Variants in CD226 observed in about 807,000 individuals in gnomAD.
The protein encoded by CD226 is CD226 molecule.
A neutral mutation model predicts 34.9 loss-of-function variants in CD226; 24 were observed. The observed-to-expected ratio is 0.69, with a 90% CI of 0.50 to 0.97. The LOEUF (loss-of-function observed/expected upper bound fraction) is 0.97. Among genes scored for constraint, CD226 ranks in the 50% least tolerant of loss-of-function variants. The pLI is 0.00. For missense variants in CD226, 397 were observed against 412.7 expected, an observed-to-expected ratio of 0.96 and a Z score of 0.33; for synonymous variants, 148 against 147.4, an observed-to-expected ratio of 1.00 and a Z score of -0.03.
chr18:69,878,627 C>A (rs1374179507), intron 3 of CD226, among the ~76,000 whole-genome samples: 2 of 152,190 alleles, frequency 1.3e-5, no homozygotes, highest in Non-Finnish European at 2.9e-5. Context: ...GGTCCTGACT[C>A]TCTAACATCA....
At position 69,862,101 on chromosome 18, in the gene CD226, G is replaced by C. The variant is rs549177414; in HGVS notation, c.*2213C>G. 3.3e-5 allele frequency: 5 copies of C among 152,142 alleles called. No individual in the cohort carries two copies. Among genetic ancestry groups the C allele is most frequent in the Non-Finnish European group, 7.4e-5 (5 of 68,008 alleles). 9.4% of individuals were successfully genotyped at this position (152,142 alleles called of 1,614,324 possible). ...GTTCTGGAGGCTTTGCAATACTGCA[G>C]TGGTTTGCTACAAAAGTCTTTCATG... On this transcript the variant is annotated 3_prime_UTR_variant, in exon 6 of 6. Transcript: ENST00000582621.
At chr18:69,932,323 A>G (rs1011528647) in intron 2 of CD226, among the ~76,000 whole-genome samples, 1 of 152,188 alleles carries the variant, frequency 6.6e-6, no homozygotes, top group African/African-American at 2.4e-5. Flanking sequence ...TTGTGACATG[A>G]CACGACAATG....
At chr18:69,945,966 T>G (rs1334731605) in intron 2 of CD226, among the ~76,000 whole-genome samples, 1 of 151,764 alleles carries the variant, frequency 6.6e-6, no homozygotes, top group African/African-American at 2.4e-5. Context: ...GAGGACAGCA[T>G]GGGAAAGACT....
intron 2 of CD226, among the ~76,000 whole-genome samples, chr18:69,943,166 G>A (rs544794842): frequency 6.6e-6 from 1 of 152,202 alleles, no homozygotes; most frequent in Admixed American, 6.5e-5. Context: ...AGGATTAAAT[G>A]AAATGACACG....
chr18:69,889,619 A>G (rs1478639360), intron 3 of CD226, among the ~76,000 whole-genome samples: 2 of 152,198 alleles, frequency 1.3e-5, no homozygotes, highest in East Asian at 3.8e-4. Flanking sequence ...TCCTTTCTTC[A>G]ATAATTTTAT....
intron 2 of CD226, among the ~76,000 whole-genome samples, chr18:69,920,300 AAAGACTAGAGGTC>A (rs1381120841): frequency 6.6e-6 from 1 of 152,232 alleles, no homozygotes; most frequent in African/African-American, 2.4e-5. Flanking sequence ...GCTTTGATAA[AAAGACTAGAGGTC>A]TCTTTGTTCT....
chr18:69,879,129 T>C (rs1473184260), intron 3 of CD226, among the ~76,000 whole-genome samples: 1 of 151,976 alleles, frequency 6.6e-6, no homozygotes, highest in Non-Finnish European at 1.5e-5. Flanking sequence ...ACAAGGCAAA[T>C]GGAGGCAGAG....
At chr18:69,887,056 TA>T (rs1984599047) in intron 3 of CD226, among the ~76,000 whole-genome samples, 1 of 152,214 alleles carries the variant, frequency 6.6e-6, no homozygotes, top group East Asian at 1.9e-4. Flanking sequence ...GCCAATAATT[TA>T]AAAATGAATT....
intron 3 of CD226, among the ~76,000 whole-genome samples, chr18:69,878,700 T>C (rs932470640): frequency 6.6e-6 from 1 of 152,218 alleles, no homozygotes; most frequent in South Asian, 2.1e-4. Context: ...CCTTTTTGAA[T>C]GGCTTTTCTC....
intron 3 of CD226, among the ~76,000 whole-genome samples, chr18:69,889,274 G>T (rs1217397764): frequency 6.6e-6 from 1 of 151,966 alleles, no homozygotes; most frequent in African/African-American, 2.4e-5. Context: ...TTCTGGTCGT[G>T]TTGCTCCATC....
At chr18:69,932,061 C>A (rs2055596245) in intron 2 of CD226, among the ~76,000 whole-genome samples, 1 of 152,120 alleles carries the variant, frequency 6.6e-6, no homozygotes, top group African/African-American at 2.4e-5. Context: ...TTAGATCCCA[C>A]CCTAATAACC....
intron 2 of CD226, among the ~76,000 whole-genome samples, chr18:69,898,713 C>G (rs188305056): frequency 2.0e-5 from 3 of 152,304 alleles, no homozygotes; most frequent in African/African-American, 7.2e-5. Context: ...AGATGAAAAT[C>G]AAGACCTATT....
At chr18:69,916,670 G>A (rs1346908328) in intron 2 of CD226, among the ~76,000 whole-genome samples, 1 of 151,918 alleles carries the variant, frequency 6.6e-6, no homozygotes, top group African/African-American at 2.4e-5. Flanking sequence ...CTAAATACAC[G>A]GTTCATCCAC....
intron 2 of CD226, among the ~76,000 whole-genome samples, chr18:69,937,170 C>A (rs1169923090): frequency 6.6e-6 from 1 of 152,170 alleles, no homozygotes; most frequent in Non-Finnish European, 1.5e-5. Context: ...GTCAACCAAG[C>A]CATGAATTGT....
chr18:69,950,681 A>G (rs2055845358), upstream of CD226, among the ~76,000 whole-genome samples: 1 of 152,130 alleles, frequency 6.6e-6, no homozygotes, highest in South Asian at 2.1e-4. Flanking sequence ...TTTTTCAATC[A>G]TTGTAGCTGG....
At chr18:69,871,277 G>A (rs888990484) in intron 4 of CD226, among the ~76,000 whole-genome samples, 1 of 152,160 alleles carries the variant, frequency 6.6e-6, no homozygotes. Context: ...TAACACCTCG[G>A]TTCCTTACTT....
chr18:69,878,534 G>A (rs893970780), intron 3 of CD226, among the ~76,000 whole-genome samples: 1 of 152,094 alleles, frequency 6.6e-6, no homozygotes, highest in Non-Finnish European at 1.5e-5. Context: ...CTATTAGGGT[G>A]GGGGTGGAGT....
At chr18:69,867,300 C>T in intron 5 of CD226, 57 bp downstream of exon 5, 1 of 1,138,674 alleles carries the variant, frequency 8.8e-7, no homozygotes, top group Non-Finnish European at 1.3e-6. Context: ...GCAAAAGAGA[C>T]TGACTTTGCA....
chr18:69,932,042 C>A (rs1346678304), intron 2 of CD226, among the ~76,000 whole-genome samples: 3 of 152,292 alleles, frequency 2.0e-5, no homozygotes, highest in Non-Finnish European at 4.4e-5. Context: ...GGAAACCAGT[C>A]ATATTGGATT....
Sources: gnomAD v4.1 joint callset for allele counts (sites outside exome capture counted in the v4.1 genomes callset) on GRCh38, gnomAD v4.1.1 for gene constraint, MANE v1.5 for transcripts, NCBI Gene and HGNC (gene_info 2026-07-23, HGNC 2026-07-21) for gene names.